Variants in CADPS2 observed in about 807,000 individuals in gnomAD.
CADPS2 encodes calcium dependent secretion activator 2.
In CADPS2, 93 loss-of-function variants were observed where a neutral mutation model predicts 172.5. The ratio of observed to expected loss-of-function variants is 0.54; its 90% confidence interval spans 0.46 to 0.64. The LOEUF is 0.64. Ranked by LOEUF, CADPS2 falls within the 30% of genes least tolerant of loss-of-function variation. The pLI, the probability that CADPS2 is intolerant of heterozygous loss-of-function variation, is 0.00. For missense variants in CADPS2, 1,420 were observed against 1,565.9 expected, an observed-to-expected ratio of 0.91 and a Z score of 1.57; for synonymous variants, 546 against 555.2, an observed-to-expected ratio of 0.98 and a Z score of 0.23.
chr7:122,722,058 A>G (rs1434754863), intron 2 of CADPS2, among the ~76,000 whole-genome samples: 2 of 152,172 alleles, frequency 1.3e-5, no homozygotes, highest in Admixed American at 1.3e-4. Context: ...AATAAGAGCT[A>G]TCTATGACAA....
intron 15 of CADPS2, among the ~76,000 whole-genome samples, chr7:122,444,772 T>C (rs2051912975): frequency 6.6e-6 from 1 of 152,196 alleles, no homozygotes; most frequent in African/African-American, 2.4e-5. Flanking sequence ...AACAATGTCT[T>C]TGGAAGATCG....
chr7:122,794,189 A>G (rs1190218661), intron 1 of CADPS2, among the ~76,000 whole-genome samples: 1 of 151,922 alleles, frequency 6.6e-6, no homozygotes, highest in Non-Finnish European at 1.5e-5. Flanking sequence ...ATATCCTAAA[A>G]TATGTTTACC....
chr7:122,550,798 C>A lies in CADPS2; in HGVS notation c.1475+3752G>T, dbSNP rs1298452182. On this transcript the variant is annotated intron_variant, in intron 8 of 29. Transcript: ENST00000449022. ...CACACACAAACCAGGAAAATAAATTCAAAAGCTGGATGTGAATCATTTAAC... is the reference window on the plus strand; with the variant it reads ...CACACACAAACCAGGAAAATAAATTAAAAAGCTGGATGTGAATCATTTAAC... Among the ~76,000 whole-genome samples the A allele has an allele frequency of 2.0e-5, 3 of 151,920 alleles. No homozygotes were observed. In the East Asian group the frequency reaches 5.8e-4, roughly 29 times the overall value.
rs376434868 is a variant in CADPS2 at position 122,734,738 on chromosome 7, A to G, written c.453+2217T>C. On this transcript the variant is annotated intron_variant, in intron 2 of 29. Coordinates refer to ENST00000449022, the MANE Select transcript of CADPS2 (RefSeq NM_017954.11). ...TCCAACTAAATTTATTTATTCATTCAAGAGTTTGTTGCATACCAAGTGTGT... is the reference window on the plus strand; with the variant it reads ...TCCAACTAAATTTATTTATTCATTCGAGAGTTTGTTGCATACCAAGTGTGT... 3.7e-4 allele frequency among the ~76,000 whole-genome samples: 57 copies of G among 152,246 alleles called. No individual in the cohort carries two copies. In the East Asian group the frequency reaches 5.0e-3, roughly 13 times the overall value.
chr7:122,698,622 C>A, intron 2 of CADPS2: 2 of 1,614,026 alleles, frequency 1.2e-6, no homozygotes, highest in East Asian at 2.2e-5. Flanking sequence ...CAAGCCAGGT[C>A]TCTGAGTACT....
chr7:122,456,512 A>T (rs1278239605), intron 14 of CADPS2, among the ~76,000 whole-genome samples: 1 of 152,218 alleles, frequency 6.6e-6, no homozygotes, highest in African/African-American at 2.4e-5. Context: ...AAAACAGATT[A>T]AAATAGATAC....
chr7:122,716,745 C>T (rs1382588094), intron 2 of CADPS2, among the ~76,000 whole-genome samples: 2 of 151,954 alleles, frequency 1.3e-5, no homozygotes, highest in Non-Finnish European at 2.9e-5. Flanking sequence ...CCTCATCTAC[C>T]AGGTAAATCA....
rs542545926 is a variant in CADPS2, at chr7:122,815,099, A to C, written c.339+70900T>G. 1.2e-4 allele frequency among the ~76,000 whole-genome samples: 18 copies of C among 152,262 alleles called. No homozygotes were observed. The East Asian group carries it at 3.5e-3, about 29-fold the overall frequency. On this transcript the variant is annotated intron_variant, in intron 1 of 29. Transcript: ENST00000449022. Reference sequence around the variant, plus strand: ...GAAGGAGTTAAGATCTAAAGAAAAGAGGTTTAACAAAACAGAGACTTCCAT... The same window carrying C: ...GAAGGAGTTAAGATCTAAAGAAAAGCGGTTTAACAAAACAGAGACTTCCAT...
intron 20 of CADPS2, among the ~76,000 whole-genome samples, chr7:122,396,607 T>G (rs1304536024): frequency 1.3e-5 from 2 of 152,206 alleles, no homozygotes. Context: ...ATTTCTGTTG[T>G]CTTACCTTTC....
At chr7:122,639,747 ATTTTC>A in intron 3 of CADPS2, among the ~76,000 whole-genome samples, 1 of 152,218 alleles carries the variant, frequency 6.6e-6, no homozygotes, top group Middle Eastern at 3.4e-3. Flanking sequence ...GCCAAATATG[ATTTTC>A]TTTTAATTGT....
intron 2 of CADPS2, among the ~76,000 whole-genome samples, chr7:122,735,327 C>G (rs902646252): frequency 6.6e-6 from 1 of 152,092 alleles, no homozygotes; most frequent in Non-Finnish European, 1.5e-5. Flanking sequence ...GCTAAACACC[C>G]CCAGCTCCTT....
intron 9 of CADPS2, among the ~76,000 whole-genome samples, chr7:122,502,077 G>A (rs1307912716): frequency 6.6e-6 from 1 of 151,984 alleles, no homozygotes; most frequent in African/African-American, 2.4e-5. Flanking sequence ...AGATAGCACT[G>A]AGTCCATGAT....
At chr7:122,638,442 C>T (rs2077283922) in intron 3 of CADPS2, among the ~76,000 whole-genome samples, 1 of 152,176 alleles carries the variant, frequency 6.6e-6, no homozygotes, top group South Asian at 2.1e-4. Context: ...CCTGGGGGAA[C>T]ACAAAGCTCT....
intron 17 of CADPS2, among the ~76,000 whole-genome samples, chr7:122,434,407 G>C (rs1423519287): frequency 3.3e-5 from 5 of 152,048 alleles, no homozygotes; most frequent in African/African-American, 1.2e-4. Context: ...AAGCAAACTT[G>C]CTTATAACAT....
At chr7:122,620,441 T>C (rs2075462992) in intron 5 of CADPS2, among the ~76,000 whole-genome samples, 1 of 152,128 alleles carries the variant, frequency 6.6e-6, no homozygotes, top group South Asian at 2.1e-4. Context: ...TATGTGTGTA[T>C]GTGTTGTGGT....
intron 1 of CADPS2, among the ~76,000 whole-genome samples, chr7:122,816,008 T>G (rs752312970): frequency 1.8e-4 from 28 of 152,170 alleles, no homozygotes; most frequent in Non-Finnish European, 3.5e-4. Flanking sequence ...TATTTATCAT[T>G]TTTTGTGCTA....
At chr7:122,695,536 T>C (rs1291093839) in intron 2 of CADPS2, among the ~76,000 whole-genome samples, 3 of 152,208 alleles carry the variant, frequency 2.0e-5, no homozygotes, top group Admixed American at 2.0e-4. Context: ...ATTAAAACTG[T>C]TTTGTTCTGA....
intron 1 of CADPS2, among the ~76,000 whole-genome samples, chr7:122,770,239 C>T (rs1054500643): frequency 2.0e-5 from 3 of 152,118 alleles, no homozygotes; most frequent in African/African-American, 7.2e-5. Flanking sequence ...TTCTTTCCTA[C>T]CCCCATTCTC....
chr7:122,863,249 T>C (rs1482769628), intron 1 of CADPS2, among the ~76,000 whole-genome samples: 1 of 152,222 alleles, frequency 6.6e-6, no homozygotes, highest in Non-Finnish European at 1.5e-5. Flanking sequence ...GAAAACTTGC[T>C]ATATATTAAA....
Sources: allele counts gnomAD v4.1 joint callset (sites outside exome capture counted in the v4.1 genomes callset), GRCh38; gene constraint gnomAD v4.1.1; transcripts MANE v1.5; gene names NCBI Gene and HGNC (gene_info 2026-07-23, HGNC 2026-07-21).